The following SLC35F1 variants were observed in gnomAD, a reference collection of about 807,000 sequenced individuals.
SLC35F1 encodes the protein chromosome 6 open reading frame 169.
In SLC35F1, 14 loss-of-function variants were observed where a neutral mutation model predicts 48.7. That is an observed-to-expected ratio of 0.29 (90% confidence interval 0.19 to 0.45). The LOEUF (loss-of-function observed/expected upper bound fraction) is 0.45, where lower values mean the gene tolerates loss of function less well. Ranked by LOEUF, SLC35F1 falls within the 20% of genes least tolerant of loss-of-function variation. The pLI is 1.00. For synonymous variants in SLC35F1, 190 were observed against 202.2 expected, an observed-to-expected ratio of 0.94 and a Z score of 0.51; for missense variants, 404 against 500.0, an observed-to-expected ratio of 0.81 and a Z score of 1.83.
intron 7 of SLC35F1, among the ~76,000 whole-genome samples, chr6:118,302,597 G>A (rs75523368): frequency 0.026 from 3,899 of 152,060 alleles, 85 homozygotes; most frequent in Middle Eastern, 0.068. Context: ...TCAAACTTAG[G>A]GGACACCTCT....
At chr6:118,253,443 A>G (rs1775601593) in intron 3 of SLC35F1, among the ~76,000 whole-genome samples, 2 of 152,142 alleles carry the variant, frequency 1.3e-5, no homozygotes, top group Admixed American at 1.3e-4. Flanking sequence ...CGAGGTGTTG[A>G]ATGGATGTTG....
At chr6:117,983,839 A>AT (rs1419773576) in intron 1 of SLC35F1, among the ~76,000 whole-genome samples, 5 of 152,268 alleles carry the variant, frequency 3.3e-5, no homozygotes, top group South Asian at 4.1e-4. Context: ...GACTGGCCTG[A>AT]TTTTTTGAAT....
At chr6:118,312,694 C>T (rs185014644) in intron 7 of SLC35F1, among the ~76,000 whole-genome samples, 31 of 152,278 alleles carry the variant, frequency 2.0e-4, no homozygotes, top group Admixed American at 1.9e-3. Flanking sequence ...GTAGCAGGGA[C>T]GTTTAGCCGC....
chr6:118,145,379 C>A (rs1230621518), intron 1 of SLC35F1, among the ~76,000 whole-genome samples: 1 of 152,128 alleles, frequency 6.6e-6, no homozygotes, highest in Non-Finnish European at 1.5e-5. Context: ...TTTATCAGTT[C>A]AGTAACTAAA....
intron 3 of SLC35F1, among the ~76,000 whole-genome samples, chr6:118,248,372 T>A (rs1775533577): frequency 6.6e-6 from 1 of 152,230 alleles, no homozygotes; most frequent in Non-Finnish European, 1.5e-5. Flanking sequence ...AAAAAGACTC[T>A]GTGGATGTTA....
chr6:117,931,424 T>G (rs1205581880), intron 1 of SLC35F1, among the ~76,000 whole-genome samples: 1 of 152,202 alleles, frequency 6.6e-6, no homozygotes, highest in Non-Finnish European at 1.5e-5. Context: ...AAGACATTTT[T>G]TTCTTCAAGT....
chr6:118,161,301 CAAA>C (rs796961330), intron 2 of SLC35F1, among the ~76,000 whole-genome samples: 2 of 130,920 alleles, frequency 1.5e-5, no homozygotes. Context: ...CATAGGCAGT[CAAA>C]AAAAAAAAAA....
At chr6:118,302,978 T>TAG (rs1554246438) in intron 7 of SLC35F1, among the ~76,000 whole-genome samples, 3 of 65,152 alleles carry the variant, frequency 4.6e-5, no homozygotes, top group Admixed American at 1.1e-4. Context: ...ACAGCTTATT[T>TAG]AGAAAAAAAA....
Position 117,949,268 on chromosome 6 carries a change from G to A in SLC35F1, c.173+41369G>A, listed in dbSNP as rs149691895. Among the ~76,000 whole-genome samples, 6 of 152,230 alleles carry A rather than the reference G, an allele frequency of 3.9e-5. No homozygotes were observed. In the East Asian group the frequency reaches 9.7e-4, roughly 25 times the overall value. On this transcript the variant is annotated intron_variant, in intron 1 of 7. Coordinates refer to ENST00000360388, the MANE Select transcript of SLC35F1 (RefSeq NM_001029858.4). ...AGAGTTGATAGTAGAGCTGTAATAC[G>A]TTGTGCTTCTGATGCTGACAATGTT...
At chr6:118,000,387 A>G (rs1777073724) in intron 1 of SLC35F1, among the ~76,000 whole-genome samples, 1 of 152,178 alleles carries the variant, frequency 6.6e-6, no homozygotes, top group African/African-American at 2.4e-5. Flanking sequence ...GGCCTTTGAC[A>G]AAATTCAACA....
chr6:117,952,598 C>T (rs1776375933), intron 1 of SLC35F1, among the ~76,000 whole-genome samples: 1 of 152,166 alleles, frequency 6.6e-6, no homozygotes, highest in Non-Finnish European at 1.5e-5. Flanking sequence ...GAAGAACCCT[C>T]TGTAGCAACT....
At chr6:118,259,898 T>A (rs1192527173) in intron 3 of SLC35F1, among the ~76,000 whole-genome samples, 2 of 152,110 alleles carry the variant, frequency 1.3e-5, no homozygotes, top group Non-Finnish European at 2.9e-5. Context: ...GAAGCCCACA[T>A]GTTCCTCATA....
intron 3 of SLC35F1, among the ~76,000 whole-genome samples, chr6:118,241,563 A>G (rs1171215026): frequency 7.0e-6 from 1 of 143,838 alleles, no homozygotes. Context: ...TTCAGTTTTC[A>G]TACATTTTTA....
intron 1 of SLC35F1, among the ~76,000 whole-genome samples, chr6:117,927,057 T>C (rs373858343): frequency 6.6e-5 from 10 of 152,192 alleles, no homozygotes; most frequent in African/African-American, 2.2e-4. Flanking sequence ...AGACAAGTTA[T>C]CTAAACTCAC....
At chr6:118,295,748 C>T (rs1339132583) in intron 7 of SLC35F1, among the ~76,000 whole-genome samples, 2 of 152,042 alleles carry the variant, frequency 1.3e-5, no homozygotes, top group African/African-American at 2.4e-5. Flanking sequence ...GCTTATAGTG[C>T]CCAAATGTAA....
At chr6:117,957,181 T>A (rs1776438227) in intron 1 of SLC35F1, among the ~76,000 whole-genome samples, 1 of 152,196 alleles carries the variant, frequency 6.6e-6, no homozygotes, top group South Asian at 2.1e-4. Context: ...CAAATATTTA[T>A]CAAAAGAAAG....
chr6:118,198,915 C>T (rs967915405), intron 2 of SLC35F1, among the ~76,000 whole-genome samples: 1 of 152,196 alleles, frequency 6.6e-6, no homozygotes, highest in African/African-American at 2.4e-5. Flanking sequence ...AACACTCTCA[C>T]AGCAAGTCAG....
intron 1 of SLC35F1, among the ~76,000 whole-genome samples, chr6:118,020,655 A>T (rs1777381887): frequency 6.6e-6 from 1 of 152,216 alleles, no homozygotes; most frequent in African/African-American, 2.4e-5. Context: ...CAATCCCCTT[A>T]TAGTACAGAT....
chr6:118,170,656 G>A (rs998830969), intron 2 of SLC35F1, among the ~76,000 whole-genome samples: 8 of 152,060 alleles, frequency 5.3e-5, no homozygotes, highest in African/African-American at 1.9e-4. Flanking sequence ...ACTCAGGCTG[G>A]TCTCAAACTC....
Sources: gnomAD v4.1 joint callset for allele counts (sites outside exome capture counted in the v4.1 genomes callset) on GRCh38, gnomAD v4.1.1 for gene constraint, MANE v1.5 for transcripts, NCBI Gene and HGNC (gene_info 2026-07-23, HGNC 2026-07-21) for gene names.